MALRD1: variants seen among roughly 807,000 people sequenced by gnomAD.
MALRD1 encodes the protein MAM and LDL-receptor class A domain-containing protein 1.
Under a neutral mutation model 242.1 loss-of-function variants are expected in MALRD1, and 247 were observed. The ratio of observed to expected loss-of-function variants is 1.02; its 90% CI spans 0.92 to 1.13. The LOEUF is 1.13. Among genes scored for constraint, MALRD1 ranks in the 50% most tolerant of loss-of-function variants. The pLI is 0.00. For synonymous variants in MALRD1, 995 were observed against 866.6 expected (o/e 1.15, Z -2.60); for missense variants, 2,989 against 2,533.1 (o/e 1.18, Z -3.86).
chr10:19,101,882 T>TTATTAATATA (rs1358037784), intron 4 of MALRD1, among the ~76,000 whole-genome samples: 3 of 137,452 alleles, frequency 2.2e-5, no homozygotes, highest in Non-Finnish European at 3.0e-5. Context: ...TATTACAAAT[T>TTATTAATATA]TATTAATATA....
intron 18 of MALRD1, among the ~76,000 whole-genome samples, chr10:19,216,838 C>T (rs188523221): frequency 7.3e-5 from 11 of 151,626 alleles, no homozygotes; most frequent in Admixed American, 3.9e-4. Context: ...CCCAGCTACT[C>T]GGGAGGCTGA....
At chr10:19,106,275 C>T (rs776198193) in intron 5 of MALRD1, among the ~76,000 whole-genome samples, 1 of 151,600 alleles carries the variant, frequency 6.6e-6, no homozygotes, top group Non-Finnish European at 1.5e-5. Flanking sequence ...TAAATGTTTG[C>T]TAGAATTTAG....
At chr10:19,176,321 T>G (rs1481115547) in intron 14 of MALRD1, among the ~76,000 whole-genome samples, 1 of 150,656 alleles carries the variant, frequency 6.6e-6, no homozygotes, top group Non-Finnish European at 1.5e-5. Flanking sequence ...TAAAGGTCCT[T>G]TATTAAAGAC....
chr10:19,479,427 T>C (rs1241802668), intron 29 of MALRD1, among the ~76,000 whole-genome samples: 4 of 152,156 alleles, frequency 2.6e-5, no homozygotes, highest in Non-Finnish European at 4.4e-5. Context: ...CGTATGGATT[T>C]TGTTGGCTAA....
chr10:19,600,517 C>G (rs1838295671), intron 34 of MALRD1, among the ~76,000 whole-genome samples: 1 of 152,150 alleles, frequency 6.6e-6, no homozygotes, highest in Non-Finnish European at 1.5e-5. Flanking sequence ...AATACCCATC[C>G]TGCTGTATGT....
At chr10:19,622,859 A>T (rs1023464466) in intron 36 of MALRD1, among the ~76,000 whole-genome samples, 5 of 152,018 alleles carry the variant, frequency 3.3e-5, no homozygotes, top group African/African-American at 1.2e-4. Context: ...ATCCAAGTAC[A>T]TATGAAAATT....
chr10:19,715,802 A>C (rs1024701235), intron 38 of MALRD1, among the ~76,000 whole-genome samples: 2 of 152,204 alleles, frequency 1.3e-5, no homozygotes, highest in Non-Finnish European at 2.9e-5. Context: ...TCACATGACA[A>C]GAGTGATTGA....
chr10:19,674,439 A>C (rs1205416739), intron 36 of MALRD1, among the ~76,000 whole-genome samples: 3 of 152,206 alleles, frequency 2.0e-5, no homozygotes, highest in Non-Finnish European at 4.4e-5. Flanking sequence ...CAAGAGGTCA[A>C]AGAGAGTCTT....
At chr10:19,277,886 T>G (rs996043374) in intron 19 of MALRD1, among the ~76,000 whole-genome samples, 15 of 152,242 alleles carry the variant, frequency 9.9e-5, no homozygotes, top group African/African-American at 2.7e-4. Flanking sequence ...AAACCATCTC[T>G]GTTTTGGTTT....
intron 2 of MALRD1, among the ~76,000 whole-genome samples, chr10:19,079,933 A>C (rs971218438): frequency 6.6e-6 from 1 of 152,064 alleles, no homozygotes; most frequent in African/African-American, 2.4e-5. Context: ...CAGGATGCAA[A>C]ATCAGTGTGC....
intron 26 of MALRD1, among the ~76,000 whole-genome samples, chr10:19,365,976 C>A (rs533047012): frequency 6.6e-6 from 1 of 151,990 alleles, no homozygotes; most frequent in African/African-American, 2.4e-5. Context: ...AGCTTCCTAT[C>A]AATTGTGTGA....
At chr10:19,571,695 A>AT (rs140758960) in intron 33 of MALRD1, among the ~76,000 whole-genome samples, 15,637 of 152,108 alleles carry the variant, frequency 0.1, 2,425 homozygotes, top group African/African-American at 0.34. Context: ...AATTAAATAG[A>AT]TTTTTTTCAG....
chr10:19,593,398 A>G (rs1299034689), intron 33 of MALRD1, among the ~76,000 whole-genome samples: 3 of 152,202 alleles, frequency 2.0e-5, no homozygotes, highest in Non-Finnish European at 4.4e-5. Context: ...TGGTTTAGTG[A>G]GGAGGGAGAG....
intron 28 of MALRD1, among the ~76,000 whole-genome samples, chr10:19,415,041 G>T (rs1020719739): frequency 6.6e-6 from 1 of 151,930 alleles, no homozygotes; most frequent in Non-Finnish European, 1.5e-5. Flanking sequence ...TCACCTATTA[G>T]GCTATGAAGC....
intron 25 of MALRD1, among the ~76,000 whole-genome samples, chr10:19,349,229 G>A (rs562499799): frequency 2.6e-5 from 4 of 152,130 alleles, no homozygotes; most frequent in Non-Finnish European, 5.9e-5. Flanking sequence ...CCAAAGTGTC[G>A]GGATTACAGG....
chr10:19,129,271 A>G (rs1376466064), intron 8 of MALRD1, among the ~76,000 whole-genome samples: 1 of 152,068 alleles, frequency 6.6e-6, no homozygotes, highest in African/African-American at 2.4e-5. Context: ...CTTAGGTTTG[A>G]TAATTTGCTA....
At chr10:19,065,835 G>A (rs766878792) in intron 1 of MALRD1, among the ~76,000 whole-genome samples, 13 of 152,088 alleles carry the variant, frequency 8.5e-5, no homozygotes, top group African/African-American at 2.7e-4. Context: ...ATGATGAGGC[G>A]CTGTATTTAA....
intron 31 of MALRD1, among the ~76,000 whole-genome samples, chr10:19,501,628 G>A (rs1837975431): frequency 6.6e-6 from 1 of 152,184 alleles, no homozygotes; most frequent in Non-Finnish European, 1.5e-5. Context: ...ATATTTCTAT[G>A]AATGACTGTG....
At chr10:19,075,458 T>A (rs532858943) in intron 2 of MALRD1, among the ~76,000 whole-genome samples, 33 of 152,024 alleles carry the variant, frequency 2.2e-4, no homozygotes, top group Non-Finnish European at 4.1e-4. Flanking sequence ...AGATTTAAAG[T>A]TTGAGGACTT....
Sources: allele counts gnomAD v4.1 joint callset (sites outside exome capture counted in the v4.1 genomes callset), GRCh38; gene constraint gnomAD v4.1.1; transcripts MANE v1.5; gene names NCBI Gene and HGNC (gene_info 2026-07-23, HGNC 2026-07-21).